The following TSPAN7 variants were observed in gnomAD, a reference collection of about 807,000 sequenced individuals.
The protein encoded by TSPAN7 is tetraspanin 7.
Under a neutral mutation model 17.6 loss-of-function variants are expected in TSPAN7, and 1 was observed. The ratio of observed to expected loss-of-function variants is 0.06; its 90% CI spans 0.02 to 0.27. The LOEUF is 0.27. TSPAN7 is among the 10% of genes least tolerant of loss of function. The pLI is 1.00. For synonymous variants in TSPAN7, 78 were observed against 79.0 expected (o/e 0.99, Z 0.07); for missense variants, 112 against 201.7 (o/e 0.56, Z 2.69).
intron 1 of TSPAN7, among the ~76,000 whole-genome samples, chrX:38,643,222 TTAG>T (rs2069624119): frequency 9.1e-6 from 1 of 109,866 alleles, no homozygotes; most frequent in Non-Finnish European, 1.9e-5. Flanking sequence ...GGGTAGAACA[TTAG>T]TAGTGGAGGA....
At chrX:38,570,339 A>G (rs1471196685) in intron 1 of TSPAN7, among the ~76,000 whole-genome samples, 5 of 112,067 alleles carry the variant, frequency 4.5e-5, no homozygotes, top group Non-Finnish European at 9.4e-5. Context: ...TATACGCAAT[A>G]TACAGTTAGG....
At position 38,603,821 on chromosome X, in the gene TSPAN7, A is replaced by AT. The variant is rs1004795098; in HGVS notation, c.81+42201dup. The stretch of plus-strand genomic sequence containing the variant: ...GTCTTATGAATTTAATATTTTATTT[A>AT]TTTTTTTGTTGTTTTTCTTTTGTAT... On this transcript the variant is annotated intron_variant, in intron 1 of 7. Coordinates refer to ENST00000378482, the MANE Select transcript of TSPAN7 (RefSeq NM_004615.4). Among the ~76,000 whole-genome samples the AT allele has an allele frequency of 6.4e-5, 7 of 108,786 alleles. 1 individual carries two copies. The highest frequency in any genetic ancestry group is 1.9e-4 in the Admixed American group (2 of 10,287). The allele number at this position is 108,786 out of a possible 115,157, so 94.5% of individuals were successfully genotyped here.
At chrX:38,651,188 G>A (rs1021468375) in intron 1 of TSPAN7, among the ~76,000 whole-genome samples, 6 of 110,855 alleles carry the variant, frequency 5.4e-5, no homozygotes, top group Admixed American at 1.9e-4. Context: ...AGTAATGGCC[G>A]GATGCGGTGG....
chrX:38,582,984 AT>A (rs1273524686), intron 1 of TSPAN7, among the ~76,000 whole-genome samples: 1 of 111,296 alleles, frequency 9.0e-6, no homozygotes, highest in Non-Finnish European at 1.9e-5. Flanking sequence ...CTGTTTTTTC[AT>A]TCACTTGGAC....
At chrX:38,674,124 C>T (rs2069838415) in intron 3 of TSPAN7, 97 bp from the exon 4 acceptor site, 3 of 669,751 alleles carry the variant, frequency 4.5e-6, no homozygotes, top group Non-Finnish European at 4.7e-6. Context: ...TATACAGAGA[C>T]TTTCAGAAGA....
intron 6 of TSPAN7, 32 bp from the exon 7 acceptor site, chrX:38,687,567 A>T: frequency 8.4e-7 from 1 of 1,195,552 alleles, no homozygotes. Flanking sequence ...GTGACTTGAG[A>T]TTCTCATTTT....
intron 5 of TSPAN7, among the ~76,000 whole-genome samples, chrX:38,680,924 A>C (rs763214065): frequency 2.0e-3 from 223 of 111,949 alleles, no homozygotes; most frequent in African/African-American, 6.6e-3. Flanking sequence ...ATTGGCTTTA[A>C]ATAGGATGGG....
At chrX:38,562,699 A>G (rs1466498096) in intron 1 of TSPAN7, among the ~76,000 whole-genome samples, 1 of 111,077 alleles carries the variant, frequency 9.0e-6, no homozygotes, top group Non-Finnish European at 1.9e-5. Context: ...GTACTTAAAG[A>G]CCATTCCCTG....
intron 1 of TSPAN7, among the ~76,000 whole-genome samples, chrX:38,663,182 G>GAC (rs372769275): frequency 2.3e-4 from 19 of 83,901 alleles, no homozygotes; most frequent in African/African-American, 9.5e-4. Context: ...CACACACACA[G>GAC]ACACACACAC....
intron 1 of TSPAN7, among the ~76,000 whole-genome samples, chrX:38,660,291 A>G (rs1416222646): frequency 1.8e-5 from 2 of 112,163 alleles, no homozygotes; most frequent in African/African-American, 6.5e-5. Context: ...AGTTATAAAT[A>G]TAATGGATGC....
intron 2 of TSPAN7, among the ~76,000 whole-genome samples, chrX:38,670,556 C>A (rs1419573507): frequency 3.6e-5 from 4 of 112,518 alleles, no homozygotes; most frequent in African/African-American, 1.3e-4. Flanking sequence ...GAAAGGCAGG[C>A]AACTCCACAG....
At chrX:38,570,457 T>G (rs968208140) in intron 1 of TSPAN7, among the ~76,000 whole-genome samples, 1 of 111,740 alleles carries the variant, frequency 8.9e-6, no homozygotes, top group Non-Finnish European at 1.9e-5. Flanking sequence ...AATACTCTTC[T>G]CCATTCTAAT....
At chrX:38,599,059 C>T (rs1207841948) in intron 1 of TSPAN7, among the ~76,000 whole-genome samples, 1 of 111,619 alleles carries the variant, frequency 9.0e-6, no homozygotes, top group Admixed American at 9.5e-5. Flanking sequence ...CAATACACAA[C>T]ACTGCGGATG....
At chrX:38,616,827 C>T (rs1347071380) in intron 1 of TSPAN7, among the ~76,000 whole-genome samples, 1 of 111,546 alleles carries the variant, frequency 9.0e-6, no homozygotes, top group Non-Finnish European at 1.9e-5. Flanking sequence ...CCCTATGAAC[C>T]TCCTCTCACC....
intron 1 of TSPAN7, among the ~76,000 whole-genome samples, chrX:38,653,332 C>T (rs958099947): frequency 4.5e-5 from 5 of 111,358 alleles, no homozygotes; most frequent in African/African-American, 1.3e-4. Context: ...AGATACGATG[C>T]GGTTGCCTTA....
intron 1 of TSPAN7, among the ~76,000 whole-genome samples, chrX:38,657,553 CTT>C (rs1278191262): frequency 1.8e-5 from 2 of 111,746 alleles, no homozygotes; most frequent in Admixed American, 9.5e-5. Flanking sequence ...GTTGACCAGT[CTT>C]TGGCATCTGA....
chrX:38,628,230 G>A (rs908190996), intron 1 of TSPAN7, among the ~76,000 whole-genome samples: 1 of 112,937 alleles, frequency 8.9e-6, no homozygotes, highest in African/African-American at 3.2e-5. Flanking sequence ...GGAGCATCCT[G>A]TAAGTCCCAA....
rs191488350 is a variant in TSPAN7 at position 38,616,005 on chromosome X, T to C, written c.82-50116T>C. ...GCATTCTTGGAAAAGTCATTTGACCTCTCTGGGCCTGTTTCTGCATCATTA... is the reference window on the plus strand; with the variant it reads ...GCATTCTTGGAAAAGTCATTTGACCCCTCTGGGCCTGTTTCTGCATCATTA... On this transcript the variant is annotated intron_variant, in intron 1 of 7. Transcript: ENST00000378482. Among the ~76,000 whole-genome samples the C allele has an allele frequency of 2.4e-4, 27 of 112,060 alleles. No individual in the cohort carries two copies. In the East Asian group the frequency reaches 7.6e-3, roughly 32 times the overall value.
intron 1 of TSPAN7, among the ~76,000 whole-genome samples, chrX:38,581,703 G>A (rs1010177318): frequency 8.9e-6 from 1 of 112,052 alleles, no homozygotes; most frequent in Non-Finnish European, 1.9e-5. Context: ...TTTTCACTCT[G>A]TCATTTAAAA....
Sources: gnomAD v4.1 joint callset for allele counts (sites outside exome capture counted in the v4.1 genomes callset) on GRCh38, gnomAD v4.1.1 for gene constraint, MANE v1.5 for transcripts, NCBI Gene and HGNC (gene_info 2026-07-23, HGNC 2026-07-21) for gene names.